PXDNL: variants seen among roughly 807,000 people sequenced by gnomAD.
PXDNL encodes probable oxidoreductase PXDNL.
A neutral mutation model predicts 150.8 loss-of-function variants in PXDNL; 145 were observed. That is an observed-to-expected ratio of 0.96 (90% CI 0.84 to 1.10). PXDNL has a LOEUF of 1.10. Among genes scored for constraint, PXDNL ranks in the 50% least tolerant of loss-of-function variants. The probability of loss-of-function intolerance (pLI) is 0.00; values close to 1 mark genes in which losing one functional copy is unlikely to be tolerated. For missense variants in PXDNL, 2,087 were observed against 1,873.9 expected, an observed-to-expected ratio of 1.11 and a Z score of -2.10; for synonymous variants, 757 against 725.7, an observed-to-expected ratio of 1.04 and a Z score of -0.69.
intron 17 of PXDNL, among the ~76,000 whole-genome samples, chr8:51,391,427 C>T (rs946244846): frequency 5.1e-4 from 78 of 152,080 alleles, no homozygotes; most frequent in Middle Eastern, 3.4e-3. Context: ...TTTTAATGAT[C>T]GTCATTCTAA....
At chr8:51,606,368 C>T (rs1444744315) in intron 2 of PXDNL, among the ~76,000 whole-genome samples, 1 of 152,200 alleles carries the variant, frequency 6.6e-6, no homozygotes, top group African/African-American at 2.4e-5. Context: ...TGCCCGCCAG[C>T]AGTGGATCCT....
intron 1 of PXDNL, among the ~76,000 whole-genome samples, chr8:51,724,451 G>C (rs1387118908): frequency 6.6e-6 from 1 of 151,954 alleles, no homozygotes; most frequent in Non-Finnish European, 1.5e-5. Flanking sequence ...AGACATATCT[G>C]TTATGTAAAT....
intron 14 of PXDNL, among the ~76,000 whole-genome samples, chr8:51,422,506 T>C (rs925241812): frequency 6.6e-6 from 1 of 152,232 alleles, no homozygotes; most frequent in Non-Finnish European, 1.5e-5. Context: ...AAGCTAAATC[T>C]ATTTTTAGTG....
rs549695093 is a variant in PXDNL, at chr8:51,494,638, T to G, written c.452+5061A>C. 5.7e-3 allele frequency among the ~76,000 whole-genome samples: 863 copies of G among 152,114 alleles called. 11 individuals carry two copies. The highest frequency in any genetic ancestry group is 0.02 in the African/African-American group (825 of 41,504). The stretch of plus-strand genomic sequence containing the variant: ...AGGCAGGGGTTGCAATCCTAGTCTA[T>G]GATAAAACAGACTTTAAACCAACAA... On this transcript the variant is annotated intron_variant, in intron 5 of 22. Coordinates refer to ENST00000356297, the MANE Select transcript of PXDNL (RefSeq NM_144651.5).
intron 19 of PXDNL, among the ~76,000 whole-genome samples, chr8:51,353,251 T>C (rs552759950): frequency 6.6e-6 from 1 of 151,360 alleles, no homozygotes; most frequent in African/African-American, 2.4e-5. Context: ...CTTTATTTTT[T>C]AAGCCAGCTA....
At chr8:51,795,067 A>C (rs1209283872) in intron 1 of PXDNL, among the ~76,000 whole-genome samples, 3 of 152,248 alleles carry the variant, frequency 2.0e-5, no homozygotes, top group Non-Finnish European at 2.9e-5. Flanking sequence ...CATAATGGTA[A>C]AGGGATCAAT....
intron 17 of PXDNL, among the ~76,000 whole-genome samples, chr8:51,404,003 T>G (rs1423961612): frequency 6.6e-6 from 1 of 152,154 alleles, no homozygotes; most frequent in Non-Finnish European, 1.5e-5. Flanking sequence ...ATTGCAGACC[T>G]TCGCAGTGAG....
chr8:51,372,281 T>C (rs1807146516), intron 18 of PXDNL, among the ~76,000 whole-genome samples, 200 bp from the exon 19 acceptor site: 1 of 152,250 alleles, frequency 6.6e-6, no homozygotes, highest in African/African-American at 2.4e-5. Flanking sequence ...TTCTGAACTA[T>C]CACTTTCTAC....
chr8:51,517,808 T>A (rs764380683), intron 4 of PXDNL, among the ~76,000 whole-genome samples: 2 of 152,240 alleles, frequency 1.3e-5, no homozygotes, highest in Non-Finnish European at 2.9e-5. Flanking sequence ...AAGATCAGCA[T>A]CTAATCAATA....
intron 1 of PXDNL, among the ~76,000 whole-genome samples, chr8:51,807,302 G>C (rs1002499262): frequency 1.3e-5 from 2 of 152,144 alleles, no homozygotes; most frequent in East Asian, 1.9e-4. Context: ...CAGAGCAAGA[G>C]GAAGAGAGAC....
chr8:51,569,856 C>CTA (rs1284528556), intron 3 of PXDNL, among the ~76,000 whole-genome samples: 13 of 151,910 alleles, frequency 8.6e-5, no homozygotes, highest in Admixed American at 8.5e-4. Flanking sequence ...GCATGAAAAT[C>CTA]TTCTAAAGTG....
chr8:51,561,680 T>C (rs1034933238), intron 3 of PXDNL, among the ~76,000 whole-genome samples: 4 of 151,780 alleles, frequency 2.6e-5, no homozygotes, highest in African/African-American at 9.7e-5. Context: ...AGTAAACTCG[T>C]GGTGACAGAA....
intron 1 of PXDNL, among the ~76,000 whole-genome samples, chr8:51,680,154 A>G (rs1243370128): frequency 6.6e-6 from 1 of 152,226 alleles, no homozygotes; most frequent in Non-Finnish European, 1.5e-5. Context: ...CTGATGACCT[A>G]GCACTGTGAT....
Position 51,387,766 on chromosome 8 carries a change from T to G in PXDNL, c.3558-13035A>C, listed in dbSNP as rs532693707. Among the ~76,000 whole-genome samples the G allele has an allele frequency of 5.0e-3, 758 of 152,336 alleles. 6 individuals are homozygous for G. Among genetic ancestry groups the G allele is most frequent in the Non-Finnish European group, 7.6e-3 (519 of 68,018 alleles). ...GTTGTTTTTATTTTCACCTTAAATA[T>G]GTTTTCAAGTTTTACCAAATGTCAT... On this transcript the variant is annotated intron_variant, in intron 17 of 22. Coordinates refer to ENST00000356297, the MANE Select transcript of PXDNL (RefSeq NM_144651.5).
chr8:51,696,805 T>TCA (rs769772282), intron 1 of PXDNL, among the ~76,000 whole-genome samples: 337 of 26,406 alleles, frequency 0.013, 5 homozygotes, highest in African/African-American at 0.053. Flanking sequence ...ACATAGGTCT[T>TCA]CACACACACA....
intron 12 of PXDNL, among the ~76,000 whole-genome samples, chr8:51,438,986 G>A (rs547454197): frequency 2.0e-5 from 3 of 152,256 alleles, no homozygotes; most frequent in South Asian, 4.2e-4. Flanking sequence ...AGATGACATC[G>A]GGAAAAACCC....
At chr8:51,542,496 A>T (rs949427606) in intron 4 of PXDNL, among the ~76,000 whole-genome samples, 77 of 49,238 alleles carry the variant, frequency 1.6e-3, no homozygotes, top group African/African-American at 0.01. Flanking sequence ...ATGCCCTTAT[A>T]AAAAAAAAAA....
At chr8:51,580,644 G>A (rs979204776) in intron 3 of PXDNL, among the ~76,000 whole-genome samples, 2 of 152,144 alleles carry the variant, frequency 1.3e-5, no homozygotes, top group Non-Finnish European at 2.9e-5. Flanking sequence ...TATTTAACAT[G>A]TGTAAGTACC....
intron 1 of PXDNL, among the ~76,000 whole-genome samples, chr8:51,749,059 T>C (rs1270880959): frequency 6.6e-6 from 1 of 152,204 alleles, no homozygotes; most frequent in Non-Finnish European, 1.5e-5. Context: ...TTAAAAGGAA[T>C]AGTTATGAAT....
Sources: gnomAD v4.1 joint callset for allele counts (sites outside exome capture counted in the v4.1 genomes callset) on GRCh38, gnomAD v4.1.1 for gene constraint, MANE v1.5 for transcripts, NCBI Gene and HGNC (gene_info 2026-07-23, HGNC 2026-07-21) for gene names.